HELZ: variants seen among roughly 807,000 people sequenced by gnomAD.
The protein encoded by HELZ is ATP-dependent RNA helicase with zinc finger domain.
A neutral mutation model predicts 218.2 loss-of-function variants in HELZ; 23 were observed. That is an observed-to-expected ratio of 0.11 (90% CI 0.08 to 0.15). The LOEUF (loss-of-function observed/expected upper bound fraction) is 0.15, where lower values mean the gene tolerates loss of function less well. Among genes scored for constraint, HELZ ranks in the 10% least tolerant of loss-of-function variants. The probability of loss-of-function intolerance (pLI) is 1.00; values close to 1 mark genes in which losing one functional copy is unlikely to be tolerated. For missense variants in HELZ, 1,813 were observed against 2,353.7 expected, an observed-to-expected ratio of 0.77 and a Z score of 4.75; for synonymous variants, 814 against 829.4, an observed-to-expected ratio of 0.98 and a Z score of 0.32.
intron 25 of HELZ, 148 bp downstream of exon 25, chr17:67,123,815 C>CTGTGTGTG (rs58616216): frequency 0.2 from 106,037 of 531,074 alleles, 5,953 homozygotes; most frequent in East Asian, 0.41. Flanking sequence ...TCCAAAGTGA[C>CTGTGTGTG]TGTGTGTGTG....
intron 9 of HELZ, among the ~76,000 whole-genome samples, chr17:67,193,325 A>C (rs1268922213): frequency 6.7e-6 from 1 of 149,724 alleles, no homozygotes; most frequent in Non-Finnish European, 1.5e-5. Flanking sequence ...CAACTGGGCA[A>C]CAGAATGAGA....
At chr17:67,195,506 GA>G in intron 7 of HELZ, 36 bp from the exon 8 acceptor site, 1 of 1,218,220 alleles carries the variant, frequency 8.2e-7, no homozygotes, top group Non-Finnish European at 1.2e-6. Context: ...TTTTAAACAA[GA>G]ATAACGTTGA....
intron 27 of HELZ, among the ~76,000 whole-genome samples, chr17:67,116,958 G>A (rs1462832598): frequency 6.6e-6 from 1 of 152,148 alleles, no homozygotes; most frequent in African/African-American, 2.4e-5. Flanking sequence ...CCAGGTTCAA[G>A]CAATTCTTCT....
chr17:67,192,019 C>T (rs1157340599), intron 9 of HELZ, among the ~76,000 whole-genome samples: 2 of 151,678 alleles, frequency 1.3e-5, no homozygotes, highest in Non-Finnish European at 2.9e-5. Flanking sequence ...GCCTGACCAA[C>T]ATGCAGAAAC....
At chr17:67,194,465 G>A (rs1567880472) in intron 8 of HELZ, among the ~76,000 whole-genome samples, 1 of 152,180 alleles carries the variant, frequency 6.6e-6, no homozygotes, top group African/African-American at 2.4e-5. Flanking sequence ...ACTGCACAGT[G>A]AGAAGAAGTT....
chr17:67,163,623 C>T (rs142306736), intron 15 of HELZ, among the ~76,000 whole-genome samples: 1,655 of 152,072 alleles, frequency 0.011, 20 homozygotes, highest in South Asian at 0.018. Flanking sequence ...AGGATGGTCT[C>T]GATCTCCTGA....
At chr17:67,114,497 T>C in intron 27 of HELZ, 94 bp from the exon 28 acceptor site, 1 of 758,670 alleles carries the variant, frequency 1.3e-6, no homozygotes, top group South Asian at 1.5e-5. Context: ...CAGAATACTT[T>C]AAACACTTTT....
rs2144010004 is a variant in HELZ at position 67,145,764 on chromosome 17, T to G, written c.2748A>C (p.Thr916=). Residue 916 remains threonine (T), a synonymous_variant, in exon 21 of 33, where the codon ACA becomes ACC. Coordinates refer to ENST00000358691, the MANE Select transcript of HELZ (RefSeq NM_014877.4). ...GTACCTCTGCATTATTATAAAAAGC[T>G]GTGCTATTTTTTTCTTGTACATCTT... ...RGEDVQEKNS[T]AFYNNAEVFE... 1.2e-6 allele frequency: 2 copies of G among 1,610,336 alleles called. No individual in the cohort carries two copies. Among genetic ancestry groups the G allele is most frequent in the Middle Eastern group, 1.7e-4 (1 of 6,046 alleles).
intron 24 of HELZ, among the ~76,000 whole-genome samples, chr17:67,126,393 G>C (rs1365629719): frequency 6.6e-6 from 1 of 152,148 alleles, no homozygotes; most frequent in East Asian, 1.9e-4. Context: ...TAAAAAGATA[G>C]TGGCATGTCT....
At chr17:67,145,023 G>T (rs2038450599) in intron 21 of HELZ, among the ~76,000 whole-genome samples, 1 of 152,024 alleles carries the variant, frequency 6.6e-6, no homozygotes, top group South Asian at 2.1e-4. Flanking sequence ...CATAATAAAA[G>T]CCATTTCTTT....
At position 67,231,614 on chromosome 17, in the gene HELZ, T is replaced by C. The variant is rs1416989900; in HGVS notation, c.-19+7819A>G. Among the ~76,000 whole-genome samples the C allele has an allele frequency of 7.0e-5, 10 of 142,726 alleles. No individual in the cohort carries two copies. The East Asian group carries it at 1.4e-3, about 21-fold the overall frequency. The allele number at this position is 142,726 out of a possible 152,430, so 93.6% of individuals were successfully genotyped here. On this transcript the variant is annotated intron_variant, in intron 3 of 32. Coordinates refer to ENST00000358691, the MANE Select transcript of HELZ (RefSeq NM_014877.4). ...TCGGAAAAAAAAAAAAAAAAAGAAA[T>C]GTACCAACAATGGTTTCTTACATTT...
chr17:67,205,166 A>C (rs2040263844), intron 5 of HELZ, among the ~76,000 whole-genome samples: 1 of 152,078 alleles, frequency 6.6e-6, no homozygotes, highest in Admixed American at 6.5e-5. Context: ...GTCTCTACTA[A>C]AAATACAAAA....
chr17:67,080,125 C>T (rs1241928331), intron 32 of HELZ, among the ~76,000 whole-genome samples: 3 of 152,128 alleles, frequency 2.0e-5, no homozygotes, highest in African/African-American at 7.2e-5. Context: ...ATTTTATAAT[C>T]TATCTGCAAT....
intron 25 of HELZ, among the ~76,000 whole-genome samples, chr17:67,123,490 A>C (rs1388080191): frequency 6.6e-6 from 1 of 152,188 alleles, no homozygotes; most frequent in East Asian, 1.9e-4. Context: ...AAAATTATAC[A>C]ACTCTTCAGA....
intron 13 of HELZ, among the ~76,000 whole-genome samples, chr17:67,170,889 T>C (rs190374581): frequency 1.3e-5 from 2 of 151,896 alleles, no homozygotes; most frequent in East Asian, 1.9e-4. Context: ...GAAGTTAAAA[T>C]TTTACTTTCC....
chr17:67,182,707 G>A (rs940166670), intron 12 of HELZ, among the ~76,000 whole-genome samples: 7 of 152,144 alleles, frequency 4.6e-5, no homozygotes, highest in Non-Finnish European at 1.0e-4. Flanking sequence ...TTTTGAAGGG[G>A]TTCCGCTATC....
intron 32 of HELZ, among the ~76,000 whole-genome samples, chr17:67,079,590 T>C (rs1045950165): frequency 2.0e-5 from 3 of 152,216 alleles, no homozygotes; most frequent in African/African-American, 7.2e-5. Context: ...TTCCTCAGGA[T>C]AAATCCCTAG....
chr17:67,206,910 T>C (rs2040314261), intron 5 of HELZ, among the ~76,000 whole-genome samples: 1 of 149,052 alleles, frequency 6.7e-6, no homozygotes, highest in Non-Finnish European at 1.5e-5. Context: ...TTTTGTTTTT[T>C]GTTTTTTTGG....
At position 67,107,679 on chromosome 17, in the gene HELZ, T is replaced by C. The variant is rs777009578; in HGVS notation, c.4731A>G (p.Gln1577=). The C allele has an allele frequency of 1.5e-4, 243 of 1,608,568 alleles. No individual in the cohort carries two copies. Among genetic ancestry groups the C allele is most frequent in the Non-Finnish European group, 2.0e-4 (232 of 1,177,860 alleles). The part of the protein sequence containing the change: ...DEVETTYSRF[Q]DLIRELSHRD... Reference sequence around the variant, plus strand: ...GATGAGACAGTTCTCTGATTAAGTCTTGAAACCTACATGAAAACAATAAAA... The same window carrying C: ...GATGAGACAGTTCTCTGATTAAGTCCTGAAACCTACATGAAAACAATAAAA... The change falls in exon 31 of 33, where the codon CAA becomes CAG. Residue 1577 remains glutamine, a synonymous_variant. Coordinates refer to ENST00000358691, the MANE Select transcript of HELZ (RefSeq NM_014877.4).
Sources: allele counts gnomAD v4.1 joint callset (sites outside exome capture counted in the v4.1 genomes callset), GRCh38; gene constraint gnomAD v4.1.1; transcripts MANE v1.5; gene names NCBI Gene and HGNC (gene_info 2026-07-23, HGNC 2026-07-21).